Variants in PCDH9 observed in about 807,000 individuals in gnomAD.
PCDH9 encodes the protein protocadherin-9.
A neutral mutation model predicts 70.6 loss-of-function variants in PCDH9; 24 were observed. That is an observed-to-expected ratio of 0.34 (90% CI 0.25 to 0.48). PCDH9 has a LOEUF of 0.48. PCDH9 is among the 20% of genes least tolerant of loss of function. The pLI, the probability that PCDH9 is intolerant of heterozygous loss-of-function variation, is 0.99. For synonymous variants in PCDH9, 562 were observed against 558.5 expected (o/e 1.01, Z -0.09); for missense variants, 1,281 against 1,503.6 (o/e 0.85, Z 2.45).
chr13:67,025,637 TA>T, intron 2 of PCDH9, among the ~76,000 whole-genome samples: 1 of 152,232 alleles, frequency 6.6e-6, no homozygotes, highest in East Asian at 1.9e-4. Context: ...ATTTCAAAAA[TA>T]GTATATTAAA....
intron 3 of PCDH9, among the ~76,000 whole-genome samples, chr13:66,635,801 C>T (rs2077629690): frequency 6.6e-6 from 1 of 152,060 alleles, no homozygotes; most frequent in Non-Finnish European, 1.5e-5. Context: ...TATGAATTTA[C>T]AGACATTCCT....
chr13:66,725,801 A>G (rs1330290498), intron 3 of PCDH9, among the ~76,000 whole-genome samples: 1 of 152,212 alleles, frequency 6.6e-6, no homozygotes, highest in South Asian at 2.1e-4. Flanking sequence ...TAGAGGGGGA[A>G]CAGAACTACC....
chr13:66,636,626 G>A (rs919515308), intron 3 of PCDH9, among the ~76,000 whole-genome samples: 1 of 152,052 alleles, frequency 6.6e-6, no homozygotes, highest in African/African-American at 2.4e-5. Flanking sequence ...TTTATGTATA[G>A]AGAATTCTTT....
chr13:66,451,051 C>A (rs192015576), intron 4 of PCDH9, among the ~76,000 whole-genome samples: 120 of 152,214 alleles, frequency 7.9e-4, no homozygotes, highest in African/African-American at 2.6e-3. Context: ...GGAGATACAC[C>A]TAATGTAAAT....
At chr13:66,667,470 A>T (rs2078112178) in intron 3 of PCDH9, among the ~76,000 whole-genome samples, 1 of 152,158 alleles carries the variant, frequency 6.6e-6, no homozygotes, top group African/African-American at 2.4e-5. Context: ...AACCTGTTGA[A>T]ATCCCTCCAG....
chr13:66,358,105 G>C (rs908039162), intron 4 of PCDH9, among the ~76,000 whole-genome samples: 2 of 152,016 alleles, frequency 1.3e-5, no homozygotes, highest in South Asian at 4.2e-4. Context: ...TAAATTGTCT[G>C]CCAAAATTCA....
At chr13:66,975,992 C>T (rs911435945) in intron 2 of PCDH9, among the ~76,000 whole-genome samples, 2 of 151,822 alleles carry the variant, frequency 1.3e-5, no homozygotes, top group Admixed American at 1.3e-4. Context: ...AATTTTGCTA[C>T]GTTTTTAAAG....
At chr13:66,355,734 T>C (rs1024558927) in intron 4 of PCDH9, among the ~76,000 whole-genome samples, 6 of 152,082 alleles carry the variant, frequency 3.9e-5, no homozygotes, top group Non-Finnish European at 7.4e-5. Flanking sequence ...TTGATGAAAA[T>C]AAAGTGACCA....
At chr13:67,053,275 A>T (rs2085356320) in intron 2 of PCDH9, among the ~76,000 whole-genome samples, 1 of 152,244 alleles carries the variant, frequency 6.6e-6, no homozygotes, top group South Asian at 2.1e-4. Context: ...ACATATGTTT[A>T]GAACTTTACT....
chr13:66,452,637 G>T (rs1316798209), intron 4 of PCDH9, among the ~76,000 whole-genome samples: 1 of 151,932 alleles, frequency 6.6e-6, no homozygotes, highest in African/African-American at 2.4e-5. Flanking sequence ...CAGATTACCA[G>T]TTCTATGACA....
At chr13:66,818,902 C>CCA (rs1329483462) in intron 3 of PCDH9, among the ~76,000 whole-genome samples, 1 of 150,836 alleles carries the variant, frequency 6.6e-6, no homozygotes, top group Non-Finnish European at 1.5e-5. Context: ...CCACTGCACT[C>CCA]CAGCCTGGGT....
chr13:66,902,955 C>G (rs1035262296), intron 3 of PCDH9, among the ~76,000 whole-genome samples: 49 of 151,580 alleles, frequency 3.2e-4, no homozygotes, highest in African/African-American at 1.2e-3. Context: ...GATGAACTAA[C>G]TTTTTTAAAA....
At chr13:66,887,030 T>C (rs1460062836) in intron 3 of PCDH9, among the ~76,000 whole-genome samples, 2 of 129,178 alleles carry the variant, frequency 1.5e-5, no homozygotes, top group African/African-American at 6.3e-5. Flanking sequence ...CCAACAAATA[T>C]AATAACACAC....
rs551643901 is a variant in PCDH9, at chr13:66,475,962, G to A, written c.3340+155248C>T. Among the ~76,000 whole-genome samples, 6 of 152,098 alleles carry A rather than the reference G, an allele frequency of 3.9e-5. No homozygotes were observed. In the East Asian group the frequency reaches 7.7e-4, roughly 20 times the overall value. ...ATTTGTCCCTTGGACTTTATCTTTT[G>A]TTGTTCTTTGAGTTAACTCTGGTTT... is the stretch of plus-strand genomic sequence containing the variant. On this transcript the variant is annotated intron_variant, in intron 4 of 4. Transcript: ENST00000377865.
chr13:66,929,376 T>G (rs1199491871), intron 2 of PCDH9, among the ~76,000 whole-genome samples: 1 of 152,082 alleles, frequency 6.6e-6, no homozygotes, highest in East Asian at 1.9e-4. Context: ...CAGGCTTGAG[T>G]GCAATGGCAT....
At chr13:66,526,127 G>T (rs1250411668) in intron 4 of PCDH9, among the ~76,000 whole-genome samples, 1 of 152,114 alleles carries the variant, frequency 6.6e-6, no homozygotes, top group Non-Finnish European at 1.5e-5. Flanking sequence ...TTAGTTTTGT[G>T]TGTAAAACGA....
intron 3 of PCDH9, among the ~76,000 whole-genome samples, chr13:66,742,469 C>T (rs180702975): frequency 0.014 from 2,071 of 145,688 alleles, 82 homozygotes; most frequent in African/African-American, 0.051. Flanking sequence ...AAAGCAATGG[C>T]AACAAAAGCT....
At chr13:67,118,889 G>C (rs1429048266) in intron 2 of PCDH9, among the ~76,000 whole-genome samples, 1 of 152,108 alleles carries the variant, frequency 6.6e-6, no homozygotes, top group Non-Finnish European at 1.5e-5. Flanking sequence ...TGTAGAACAA[G>C]TAACTCATTT....
At chr13:67,103,006 C>T (rs8000673) in intron 2 of PCDH9, among the ~76,000 whole-genome samples, 3,750 of 151,946 alleles carry the variant, frequency 0.025, 124 homozygotes, top group South Asian at 0.069. Flanking sequence ...TAAATAATTA[C>T]CTAAAATATT....
Sources: gnomAD v4.1 joint callset for allele counts (sites outside exome capture counted in the v4.1 genomes callset) on GRCh38, gnomAD v4.1.1 for gene constraint, MANE v1.5 for transcripts, NCBI Gene and HGNC (gene_info 2026-07-23, HGNC 2026-07-21) for gene names.